Variants in ZNF90 observed in about 807,000 individuals in gnomAD.
The protein encoded by ZNF90 is zinc finger protein 90.
A neutral mutation model predicts 12.0 loss-of-function variants in ZNF90; 11 were observed. That is an observed-to-expected ratio of 0.92 (90% CI 0.58 to 1.52). The LOEUF is 1.52. ZNF90 is among the 40% of genes most tolerant of loss of function. The pLI, the probability that ZNF90 is intolerant of heterozygous loss-of-function variation, is 0.00. For missense variants in ZNF90, 765 were observed against 711.5 expected (o/e 1.08, Z -0.86); for synonymous variants, 232 against 240.1 (o/e 0.97, Z 0.31).
At chr19:20,082,901 A>G (rs1463557566) in intron 1 of ZNF90, among the ~76,000 whole-genome samples, 1 of 152,220 alleles carries the variant, frequency 6.6e-6, no homozygotes, top group Non-Finnish European at 1.5e-5. Context: ...CTACTGAGAT[A>G]GGAGAAAACC....
chr19:20,120,062 C>T lies in ZNF90; in HGVS notation c.*702C>T, dbSNP rs2089182734. Among the ~76,000 whole-genome samples the T allele has an allele frequency of 6.6e-6, 1 of 152,170 alleles. No homozygotes were observed. Among genetic ancestry groups the T allele is most frequent in the Admixed American group, 6.5e-5 (1 of 15,270 alleles). ...ATTTGACAAATCCTTTATATGGTTG[C>T]AAGACTTGATTGTAGGTAAGATAAT... On this transcript the variant is annotated 3_prime_UTR_variant, in exon 4 of 4. Coordinates refer to ENST00000418063, the MANE Select transcript of ZNF90 (RefSeq NM_007138.2).
chr19:20,082,179 G>A (rs1044401620), intron 1 of ZNF90, among the ~76,000 whole-genome samples: 1 of 152,084 alleles, frequency 6.6e-6, no homozygotes, highest in Admixed American at 6.5e-5. Flanking sequence ...GAGATACTAC[G>A]TATAGCACCA....
Position 20,119,388 on chromosome 19 carries a change from A to C in ZNF90, c.*28A>C. 6.5e-7 allele frequency: 1 copy of C among 1,535,834 alleles called. No homozygotes were observed. The highest frequency in any genetic ancestry group is 8.8e-7 in the Non-Finnish European group (1 of 1,138,294). ...TATTCCTCAACCCTTAATAAACATA[A>C]GATAATTCATACTGGAGAGAAACCG... On this transcript the variant is annotated 3_prime_UTR_variant, in exon 4 of 4. Transcript: ENST00000418063.
intron 3 of ZNF90, among the ~76,000 whole-genome samples, chr19:20,108,848 T>G (rs1006914801): frequency 6.6e-6 from 1 of 150,508 alleles, no homozygotes; most frequent in Non-Finnish European, 1.5e-5. Flanking sequence ...TGCATCAGCT[T>G]CCCGAGTAGC....
intron 1 of ZNF90, among the ~76,000 whole-genome samples, chr19:20,090,918 C>T (rs1330392933): frequency 6.6e-6 from 1 of 152,110 alleles, no homozygotes; most frequent in Non-Finnish European, 1.5e-5. Context: ...GTCCGTTCTA[C>T]CTTTCCTGAA....
At chr19:20,092,463 G>T (rs1024285107) in intron 1 of ZNF90, among the ~76,000 whole-genome samples, 25 of 152,202 alleles carry the variant, frequency 1.6e-4, no homozygotes, top group Admixed American at 1.6e-3. Context: ...AATGAAAAGG[G>T]TTGGGATGAG....
At chr19:20,109,351 C>T (rs1446456846) in intron 3 of ZNF90, among the ~76,000 whole-genome samples, 1 of 152,058 alleles carries the variant, frequency 6.6e-6, no homozygotes, top group Non-Finnish European at 1.5e-5. Context: ...AGCTGAATTT[C>T]AATGGGAGTT....
chr19:20,101,033 C>T (rs2088985620), intron 1 of ZNF90, among the ~76,000 whole-genome samples: 1 of 152,128 alleles, frequency 6.6e-6, no homozygotes, highest in Non-Finnish European at 1.5e-5. Flanking sequence ...ACTGCACACT[C>T]TTCTGGTCTG....
intron 1 of ZNF90, among the ~76,000 whole-genome samples, chr19:20,097,261 T>C (rs1281114163): frequency 6.6e-6 from 1 of 152,188 alleles, no homozygotes; most frequent in Non-Finnish European, 1.5e-5. Context: ...TTACCAGACA[T>C]GATATAAACA....
chr19:20,105,250 A>C lies in ZNF90; in HGVS notation c.160A>C (p.Thr54Pro). ...TGTTGTCACTAAGCCAGACCTGATC[A>C]CCTGTCTGGAGCAAGGAAAAAAACC... ...GIVVTKPDLI[T>P]CLEQGKKPFT... Residue 54 changes from threonine (T) to proline (P), a missense_variant, in exon 3 of 4, where the codon ACC becomes CCC. Thr to Pro is a conservative substitution (Grantham distance 38). Transcript: ENST00000418063. The C allele has an allele frequency of 1.2e-6, 2 of 1,606,954 alleles. No individual in the cohort carries two copies.
At chr19:20,106,877 C>T (rs2089044075) in intron 3 of ZNF90, 2 of 454,536 alleles carry the variant, frequency 4.4e-6, no homozygotes, top group Non-Finnish European at 8.8e-6. Flanking sequence ...TGGGTCTGCA[C>T]TAGGGTCCAC....
rs1599638287 is a variant in ZNF90, at chr19:20,081,975, A to T, written c.3+3840A>T. On this transcript the variant is annotated intron_variant, in intron 1 of 3. Transcript: ENST00000418063. ...GAGACGGGGTTTCACCATGTTAGCCAGGAGGGTCTCGATCTCCTGACCTCG... is the reference window on the plus strand; with the variant it reads ...GAGACGGGGTTTCACCATGTTAGCCTGGAGGGTCTCGATCTCCTGACCTCG... Among the ~76,000 whole-genome samples, 5 of 151,946 alleles carry T rather than the reference A, an allele frequency of 3.3e-5. No homozygotes were observed. In the South Asian group the frequency reaches 1.0e-3, roughly 32 times the overall value.
chr19:20,114,257 G>A (rs1265847105), intron 3 of ZNF90, among the ~76,000 whole-genome samples: 3 of 152,336 alleles, frequency 2.0e-5, no homozygotes, highest in East Asian at 3.9e-4. Flanking sequence ...TGCCACTGCA[G>A]TTTAGCCTGG....
At chr19:20,115,387 C>T (rs1599654906) in intron 3 of ZNF90, among the ~76,000 whole-genome samples, 1 of 145,456 alleles carries the variant, frequency 6.9e-6, no homozygotes, top group African/African-American at 2.5e-5. Flanking sequence ...TTATTTGATT[C>T]TTGTATCTTT....
chr19:20,116,024 A>G (rs1255369174), intron 3 of ZNF90, among the ~76,000 whole-genome samples: 1 of 151,996 alleles, frequency 6.6e-6, no homozygotes, highest in African/African-American at 2.4e-5. Flanking sequence ...GGTGCTTTCC[A>G]CTATGACTGG....
intron 1 of ZNF90, 44 bp downstream of exon 1, chr19:20,078,179 T>C (rs2088791876): frequency 6.2e-7 from 1 of 1,613,474 alleles, no homozygotes; most frequent in Non-Finnish European, 8.5e-7. Flanking sequence ...GAGGGACTGG[T>C]TGGAACCGAT....
chr19:20,100,915 ACAGTGATTGGGATATAAACCC>A (rs1309702970), intron 1 of ZNF90, among the ~76,000 whole-genome samples: 1 of 152,160 alleles, frequency 6.6e-6, no homozygotes, highest in Non-Finnish European at 1.5e-5. Flanking sequence ...AGGGGGAGGG[ACAGTGATTGGGATATAAACCC>A]CAGGCATTTG....
At position 20,119,152 on chromosome 19, in the gene ZNF90, G is replaced by A; in HGVS notation, c.1598G>A (p.Gly533Glu). 1 of 1,611,374 alleles carries A rather than the reference G, an allele frequency of 6.2e-7. No homozygotes were observed. Among genetic ancestry groups the A allele is most frequent in the Non-Finnish European group, 8.5e-7 (1 of 1,178,818 alleles). ...AGTAAACATAAGATAATTCATACTG[G>A]AGCGAAACCCTACAAATGTGAAGAA... ...VLSKHKIIHT[G>E]AKPYKCEECG... is the part of the protein sequence containing the mutation. Residue 533 changes from glycine (G) to glutamate (E), a missense_variant, in exon 4 of 4, where the codon GGA (glycine) becomes GAA (glutamate). Coordinates refer to ENST00000418063, the MANE Select transcript of ZNF90 (RefSeq NM_007138.2).
At chr19:20,079,927 C>G in intron 1 of ZNF90, 1 of 409,546 alleles carries the variant, frequency 2.4e-6, no homozygotes. Context: ...TTCCTTTCAT[C>G]GTATTTCCTC....
Sources: allele counts gnomAD v4.1 joint callset (sites outside exome capture counted in the v4.1 genomes callset), GRCh38; gene constraint gnomAD v4.1.1; transcripts MANE v1.5; gene names NCBI Gene and HGNC (gene_info 2026-07-23, HGNC 2026-07-21).